OARD1: variants seen among roughly 807,000 people sequenced by gnomAD.
OARD1 encodes ADP-ribose glycohydrolase OARD1.
OARD1 carries 19 observed loss-of-function variants against 19.7 expected under a neutral mutation model. The observed-to-expected ratio is 0.96, with a 90% confidence interval of 0.67 to 1.41. The LOEUF is 1.41. Among genes scored for constraint, OARD1 ranks in the 40% most tolerant of loss-of-function variants. OARD1 has a pLI of 0.00. For missense variants in OARD1, 190 were observed against 183.8 expected (o/e 1.03, Z -0.20); for synonymous variants, 70 against 61.8 (o/e 1.13, Z -0.62).
At chr6:41,088,321 G>A (rs1764101630) in intron 1 of OARD1, among the ~76,000 whole-genome samples, 1 of 150,274 alleles carries the variant, frequency 6.7e-6, no homozygotes, top group African/African-American at 2.5e-5. Context: ...TACTCGGGAG[G>A]CTGAGGCAGG....
chr6:41,071,321 T>C (rs1446473833), intron 2 of OARD1, 45 bp from the exon 3 acceptor site: 1 of 1,557,706 alleles, frequency 6.4e-7, no homozygotes, highest in Non-Finnish European at 8.8e-7. Flanking sequence ...TTAGATACAG[T>C]AAAATACTAA....
chr6:41,097,322 A>G (rs2113827914), intron 1 of OARD1: 1 of 1,610,742 alleles, frequency 6.2e-7, no homozygotes, highest in African/African-American at 1.3e-5. Context: ...TGCTTTTGCA[A>G]AGGACTTTAA....
chr6:41,079,346 TG>T (rs1763843893), intron 1 of OARD1, among the ~76,000 whole-genome samples: 1 of 152,252 alleles, frequency 6.6e-6, no homozygotes, highest in Middle Eastern at 3.2e-3. Flanking sequence ...CTACTCTTCA[TG>T]GGTGCCTGGT....
At chr6:41,090,807 A>C (rs1764180498) in intron 1 of OARD1, among the ~76,000 whole-genome samples, 1 of 152,240 alleles carries the variant, frequency 6.6e-6, no homozygotes. Flanking sequence ...TTCTAGGAAT[A>C]GATAACATAA....
At chr6:41,094,068 C>T (rs941402029) in intron 1 of OARD1, among the ~76,000 whole-genome samples, 1 of 152,122 alleles carries the variant, frequency 6.6e-6, no homozygotes, top group African/African-American at 2.4e-5. Flanking sequence ...AGTCTTTTTA[C>T]TGAACACTCA....
chr6:41,096,653 A>G (rs1345800363), intron 1 of OARD1, among the ~76,000 whole-genome samples: 1 of 152,200 alleles, frequency 6.6e-6, no homozygotes, highest in Non-Finnish European at 1.5e-5. Flanking sequence ...CTGCCTACCA[A>G]GGCTTCAGAG....
intron 5 of OARD1, among the ~76,000 whole-genome samples, chr6:41,068,290 T>C (rs1029735320): frequency 6.6e-6 from 1 of 152,198 alleles, no homozygotes; most frequent in Non-Finnish European, 1.5e-5. Flanking sequence ...AAGGGACTAC[T>C]GAACCCTCAA....
chr6:41,091,798 C>A, intron 1 of OARD1: 1 of 1,252,258 alleles, frequency 8.0e-7, no homozygotes, highest in Non-Finnish European at 1.1e-6. Context: ...TGAGATCGAT[C>A]CTTAAGGCAC....
intron 1 of OARD1, chr6:41,094,443 T>C: frequency 1.2e-6 from 2 of 1,614,174 alleles, no homozygotes; most frequent in South Asian, 1.1e-5. Flanking sequence ...CACGGAAGCG[T>C]GGTGAAGGTG....
intron 1 of OARD1, among the ~76,000 whole-genome samples, chr6:41,091,875 GCCAGGGACTATTCA>G (rs1326144366): frequency 3.3e-5 from 5 of 152,156 alleles, no homozygotes; most frequent in African/African-American, 9.7e-5. Context: ...CCTACTATGT[GCCAGGGACTATTCA>G]CCAGGGACTA....
chr6:41,071,692 G>A lies in OARD1; in HGVS notation c.-41-17C>T. 2.7e-6 allele frequency: 4 copies of A among 1,479,630 alleles called. No homozygotes were observed. Among genetic ancestry groups the A allele is most frequent in the South Asian group, 1.1e-5 (1 of 88,310 alleles). The allele number at this position is 1,479,630 out of a possible 1,614,324, so 91.7% of individuals were successfully genotyped here. ...TTTCTTCAGCTATGAGAAGGGAAAAGGAAGTAAAAATGCTTAGGCAGCCTT... is the reference window on the plus strand; with the variant it reads ...TTTCTTCAGCTATGAGAAGGGAAAAAGAAGTAAAAATGCTTAGGCAGCCTT... On this transcript the variant is annotated splice_polypyrimidine_tract_variant and intron_variant, in intron 1 of 5. Transcript: ENST00000424266.
chr6:41,095,710 C>A (rs190895099), intron 1 of OARD1, among the ~76,000 whole-genome samples: 1 of 152,192 alleles, frequency 6.6e-6, no homozygotes, highest in East Asian at 1.9e-4. Flanking sequence ...GGATTACAGG[C>A]GCACACCATT....
intron 1 of OARD1, among the ~76,000 whole-genome samples, chr6:41,094,773 A>C: frequency 6.6e-6 from 1 of 152,290 alleles, no homozygotes; most frequent in East Asian, 1.9e-4. Flanking sequence ...CTCCATCTCT[A>C]CAAAAAAATA....
intron 1 of OARD1, among the ~76,000 whole-genome samples, chr6:41,087,527 G>A (rs1224002585): frequency 6.6e-6 from 1 of 152,176 alleles, no homozygotes; most frequent in East Asian, 1.9e-4. Flanking sequence ...CTTCCAGACT[G>A]CCATCTATGT....
intron 1 of OARD1, among the ~76,000 whole-genome samples, chr6:41,079,324 AC>A (rs750056841): frequency 1.5e-4 from 23 of 152,354 alleles, no homozygotes; most frequent in South Asian, 6.2e-4. Flanking sequence ...CTAGCCCATG[AC>A]CACTTAGAAT....
intron 1 of OARD1, among the ~76,000 whole-genome samples, chr6:41,081,185 A>T (rs1763894767): frequency 6.6e-6 from 1 of 152,222 alleles, no homozygotes; most frequent in Non-Finnish European, 1.5e-5. Flanking sequence ...CTTATAAGTG[A>T]CATTAGAATT....
At chr6:41,084,160 G>A (rs753283289) in intron 1 of OARD1, 1 of 1,614,082 alleles carries the variant, frequency 6.2e-7, no homozygotes, top group South Asian at 1.1e-5. Context: ...CATCATGCAA[G>A]TACCTGTTTC....
chr6:41,092,894 G>A, intron 1 of OARD1: 2 of 1,609,422 alleles, frequency 1.2e-6, no homozygotes, highest in Non-Finnish European at 1.7e-6. Flanking sequence ...AATAAGCTCT[G>A]GTTTCCTGTT....
At chr6:41,070,036 G>T in intron 4 of OARD1, 40 bp downstream of exon 4, 1 of 1,147,570 alleles carries the variant, frequency 8.7e-7, no homozygotes, top group Non-Finnish European at 1.3e-6. Flanking sequence ...AATGTATTAA[G>T]AACTGGCCCT....
Sources: allele counts gnomAD v4.1 joint callset (sites outside exome capture counted in the v4.1 genomes callset), GRCh38; gene constraint gnomAD v4.1.1; transcripts MANE v1.5; gene names NCBI Gene and HGNC (gene_info 2026-07-23, HGNC 2026-07-21).